Variants in ARPP21 observed in about 807,000 individuals in gnomAD.
The protein encoded by ARPP21 is cAMP regulated phosphoprotein 21.
ARPP21 carries 69 observed loss-of-function variants against 113.2 expected under a neutral mutation model. That is an observed-to-expected ratio of 0.61 (90% confidence interval 0.50 to 0.74). The LOEUF is 0.74. Ranked by LOEUF, ARPP21 falls within the 30% of genes least tolerant of loss-of-function variation. ARPP21 has a pLI of 0.00. For missense variants in ARPP21, 1,070 were observed against 1,037.4 expected, an observed-to-expected ratio of 1.03 and a Z score of -0.43; for synonymous variants, 368 against 375.5, an observed-to-expected ratio of 0.98 and a Z score of 0.23.
rs1236806410 is a variant in ARPP21, at chr3:35,698,518, T to C, written c.686+7513T>C. Among the ~76,000 whole-genome samples, 6 of 151,656 alleles carry C rather than the reference T, an allele frequency of 4.0e-5. No homozygotes were observed. The East Asian group carries it at 9.7e-4, about 25-fold the overall frequency. ...TCTATTTATTTATCTATTTTACTCA[T>C]GACATCCTAGGTAGATAAAGCTAAG... On this transcript the variant is annotated intron_variant, in intron 9 of 20. Coordinates refer to ENST00000684406, the MANE Select transcript of ARPP21 (RefSeq NM_001385562.1).
chr3:35,762,124 T>TCACACACA (rs1228601723), intron 19 of ARPP21, among the ~76,000 whole-genome samples: 3 of 141,152 alleles, frequency 2.1e-5, no homozygotes, highest in African/African-American at 8.1e-5. Context: ...TCTCTCTCTC[T>TCACACACA]CTCACACACA....
chr3:35,790,998 A>T (rs1396266697), intron 19 of ARPP21, among the ~76,000 whole-genome samples: 1 of 152,162 alleles, frequency 6.6e-6, no homozygotes, highest in East Asian at 1.9e-4. Context: ...CTTGCTCTCC[A>T]ATTCTCCAAA....
At chr3:35,665,625 C>G (rs1330658404) in intron 1 of ARPP21, among the ~76,000 whole-genome samples, 1 of 152,118 alleles carries the variant, frequency 6.6e-6, no homozygotes, top group Admixed American at 6.5e-5. Flanking sequence ...AGGATTTAGT[C>G]ATTTCCTATA....
intron 1 of ARPP21, among the ~76,000 whole-genome samples, chr3:35,674,350 G>A (rs144293621): frequency 6.5e-4 from 99 of 152,024 alleles, no homozygotes; most frequent in African/African-American, 9.2e-4. Context: ...GATCCCAACA[G>A]TATTATTTAA....
chr3:35,647,268 C>T (rs1049045370), intron 1 of ARPP21, among the ~76,000 whole-genome samples: 3 of 152,138 alleles, frequency 2.0e-5, no homozygotes, highest in South Asian at 2.1e-4. Flanking sequence ...ATACATCTTC[C>T]AGGATAAGAA....
At chr3:35,677,807 G>T (rs905424316) in intron 1 of ARPP21, among the ~76,000 whole-genome samples, 1 of 151,964 alleles carries the variant, frequency 6.6e-6, no homozygotes, top group African/African-American at 2.4e-5. Context: ...AAATGAAATG[G>T]CAGTGGAAGA....
At position 35,739,347 on chromosome 3, in the gene ARPP21, A is replaced by G. The variant is rs1367369411; in HGVS notation, c.1780A>G (p.Met594Val). Residue 594 changes from methionine to valine, a missense_variant, in exon 18 of 21, where the codon ATG (methionine) becomes GTG (valine). Coordinates refer to ENST00000684406, the MANE Select transcript of ARPP21 (RefSeq NM_001385562.1). The stretch of plus-strand genomic sequence containing the variant: ...TGATGTGGCAACACAGTTTGGCCAG[A>G]TGACCCTGAGCCGGCAGTCCTCGGG... ...RDDVATQFGQ[M>V]TLSRQSSGET... 2 of 1,614,094 alleles carry G rather than the reference A, an allele frequency of 1.2e-6. No homozygotes were observed. Among genetic ancestry groups the G allele is most frequent in the Non-Finnish European group, 1.7e-6 (2 of 1,180,014 alleles).
intron 14 of ARPP21, among the ~76,000 whole-genome samples, chr3:35,723,098 G>T (rs540267259): frequency 6.6e-6 from 1 of 152,196 alleles, no homozygotes; most frequent in East Asian, 1.9e-4. Flanking sequence ...GAGCATTCAG[G>T]CTCCTGAAGT....
chr3:35,782,843 T>C (rs1359162980), intron 19 of ARPP21, among the ~76,000 whole-genome samples: 1 of 152,134 alleles, frequency 6.6e-6, no homozygotes, highest in African/African-American at 2.4e-5. Context: ...GGCTCTCTGC[T>C]CCTTTCTCTG....
chr3:35,791,672 G>T (rs930295267), intron 19 of ARPP21, among the ~76,000 whole-genome samples: 2 of 152,004 alleles, frequency 1.3e-5, no homozygotes, highest in African/African-American at 4.8e-5. Context: ...GACATGAACA[G>T]ATAAATTTTT....
At position 35,792,398 on chromosome 3, in the gene ARPP21, G is replaced by T; in HGVS notation, c.2154G>T (p.Leu718Phe). 6.2e-7 allele frequency: 1 copy of T among 1,614,030 alleles called. No homozygotes were observed. Among genetic ancestry groups the T allele is most frequent in the Non-Finnish European group, 8.5e-7 (1 of 1,179,894 alleles). Residue 718 changes from leucine to phenylalanine, a missense_variant, in exon 20 of 21, where the codon TTG (leucine) becomes TTT (phenylalanine). By Grantham distance (22) the Leu-to-Phe change is conservative. Transcript: ENST00000684406. ...AAQQAGYQPV[L>F]SGQQGFQGLI... ...TCTTCGCAGGTTACCAGCCAGTCTTGTCTGGTCAACAGGGATTCCAAGGCC... is the reference window on the plus strand; with the variant it reads ...TCTTCGCAGGTTACCAGCCAGTCTTTTCTGGTCAACAGGGATTCCAAGGCC...
chr3:35,682,579 A>C (rs2149480123), intron 3 of ARPP21: 1 of 371,332 alleles, frequency 2.7e-6, no homozygotes, highest in South Asian at 8.1e-5. Context: ...ATGGCCAAAA[A>C]ACTTCAAAGC....
intron 1 of ARPP21, chr3:35,640,869 C>T (rs751838378): frequency 3.3e-5 from 5 of 152,150 alleles, no homozygotes; most frequent in Non-Finnish European, 7.3e-5. Context: ...CGCCAATTTA[C>T]TCTTTTCTGT....
At chr3:35,772,614 A>G (rs535815791) in intron 19 of ARPP21, among the ~76,000 whole-genome samples, 57 of 152,294 alleles carry the variant, frequency 3.7e-4, no homozygotes, top group Non-Finnish European at 6.2e-4. Flanking sequence ...AAAATCTCAC[A>G]TTCTCTACCA....
intron 3 of ARPP21, 52 bp from the exon 4 acceptor site, chr3:35,682,796 T>G: frequency 6.6e-7 from 1 of 1,520,852 alleles, no homozygotes; most frequent in Non-Finnish European, 9.0e-7. Context: ...GATTTACTGT[T>G]CGTTTTTGTT....
chr3:35,781,737 T>C (rs1023733781), intron 19 of ARPP21: 1 of 152,182 alleles, frequency 6.6e-6, no homozygotes, highest in Non-Finnish European at 1.5e-5. Context: ...TCCACTATCT[T>C]TACTTTGGGT....
At chr3:35,691,579 C>T (rs1559634935) in intron 9 of ARPP21, among the ~76,000 whole-genome samples, 1 of 151,552 alleles carries the variant, frequency 6.6e-6, no homozygotes, top group Non-Finnish European at 1.5e-5. Flanking sequence ...CTAGATGAAA[C>T]ATCTAAGACT....
At chr3:35,719,101 G>A (rs563464273) in intron 13 of ARPP21, among the ~76,000 whole-genome samples, 11 of 151,952 alleles carry the variant, frequency 7.2e-5, no homozygotes, top group African/African-American at 2.4e-4. Context: ...CAGTAGGGGA[G>A]GAACAAGACT....
chr3:35,713,904 T>C (rs1189059136), intron 11 of ARPP21, among the ~76,000 whole-genome samples: 41 of 152,154 alleles, frequency 2.7e-4, no homozygotes, highest in Non-Finnish European at 2.9e-5. Flanking sequence ...AGCTGAGAAG[T>C]AGCAAAGTAT....
Sources: allele counts gnomAD v4.1 joint callset (sites outside exome capture counted in the v4.1 genomes callset), GRCh38; gene constraint gnomAD v4.1.1; transcripts MANE v1.5; gene names NCBI Gene and HGNC (gene_info 2026-07-23, HGNC 2026-07-21).